Variants in SLC24A2 observed in about 807,000 individuals in gnomAD.
The protein encoded by SLC24A2 is solute carrier family 24 member 2, also known as sodium/potassium/calcium exchanger 2.
In SLC24A2, 36 loss-of-function variants were observed where a neutral mutation model predicts 62.0. The ratio of observed to expected loss-of-function variants is 0.58; its 90% CI spans 0.44 to 0.77. The LOEUF is 0.77. Among genes scored for constraint, SLC24A2 ranks in the 30% least tolerant of loss-of-function variants. The pLI, the probability that SLC24A2 is intolerant of heterozygous loss-of-function variation, is 0.00. For synonymous variants in SLC24A2, 358 were observed against 294.0 expected (o/e 1.22, Z -2.23); for missense variants, 846 against 817.9 (o/e 1.03, Z -0.42).
chr9:19,653,677 A>AAC, intron 2 of SLC24A2, among the ~76,000 whole-genome samples: 1 of 152,162 alleles, frequency 6.6e-6, no homozygotes, highest in East Asian at 1.9e-4. Context: ...TCCTGACTTT[A>AAC]ACGTTGTCAT....
intron 2 of SLC24A2, among the ~76,000 whole-genome samples, chr9:19,739,241 G>C (rs535268806): frequency 1.8e-4 from 28 of 152,278 alleles, no homozygotes; most frequent in African/African-American, 5.8e-4. Flanking sequence ...AAATGCTTAT[G>C]AACAGAGATT....
chr9:20,241,103 T>A, the SLC24A2 span, among the ~76,000 whole-genome samples: 5 of 152,242 alleles, frequency 3.3e-5, no homozygotes, highest in Admixed American at 2.6e-4. Context: ...ACAAGGTAGG[T>A]ACCTTTACCA....
At chr9:19,681,429 C>T (rs892496490) in intron 2 of SLC24A2, among the ~76,000 whole-genome samples, 25 of 152,222 alleles carry the variant, frequency 1.6e-4, no homozygotes, top group Admixed American at 2.6e-4. Context: ...CTACTAACAT[C>T]CTATCTCATT....
At chr9:19,894,907 G>A in the SLC24A2 span, among the ~76,000 whole-genome samples, 1 of 152,164 alleles carries the variant, frequency 6.6e-6, no homozygotes. Context: ...TGGAGAAGTT[G>A]CAACAAATTT....
chr9:20,079,872 G>T, the SLC24A2 span, among the ~76,000 whole-genome samples: 1 of 152,022 alleles, frequency 6.6e-6, no homozygotes, highest in Non-Finnish European at 1.5e-5. Context: ...CATGTCATCT[G>T]CAAACAGGGA....
chr9:19,633,721 A>G (rs1230979798), intron 2 of SLC24A2, among the ~76,000 whole-genome samples: 2 of 151,880 alleles, frequency 1.3e-5, no homozygotes, highest in Non-Finnish European at 2.9e-5. Context: ...TCGTGTGCTT[A>G]TTTGCCATTT....
chr9:20,261,038 T>C, the SLC24A2 span, among the ~76,000 whole-genome samples: 2 of 151,796 alleles, frequency 1.3e-5, no homozygotes, highest in African/African-American at 4.8e-5. Context: ...GTATTTTTAG[T>C]AGAGACGGGG....
chr9:20,101,855 G>A, the SLC24A2 span, among the ~76,000 whole-genome samples: 2 of 152,308 alleles, frequency 1.3e-5, no homozygotes, highest in African/African-American at 4.8e-5. Flanking sequence ...TGGAAACTGT[G>A]CCCTTACCAT....
At chr9:20,133,427 A>T in the SLC24A2 span, among the ~76,000 whole-genome samples, 3 of 152,322 alleles carry the variant, frequency 2.0e-5, no homozygotes, top group Admixed American at 1.3e-4. Context: ...TTTAAACTTT[A>T]AAAAATCAGT....
At chr9:19,563,834 C>T (rs1420265935) in intron 7 of SLC24A2, among the ~76,000 whole-genome samples, 22 of 75,064 alleles carry the variant, frequency 2.9e-4, no homozygotes, top group African/African-American at 7.9e-4. Flanking sequence ...TCCTCCCTCC[C>T]TCCCTCCCTC....
At chr9:19,555,721 G>T (rs771259079) in intron 7 of SLC24A2, among the ~76,000 whole-genome samples, 89 of 152,200 alleles carry the variant, frequency 5.8e-4, no homozygotes, top group Non-Finnish European at 1.2e-3. Flanking sequence ...AAGGCAGGTG[G>T]ATCACTTGAG....
At position 19,513,019 on chromosome 9, in the gene SLC24A2, G is replaced by T. The variant is rs1287972379; in HGVS notation, c.*3134C>A. 6.6e-6 allele frequency: 1 copy of T among 151,536 alleles called. No homozygotes were observed. The highest frequency in any genetic ancestry group is 1.5e-5 in the Non-Finnish European group (1 of 67,940). 9.4% of individuals were successfully genotyped at this position (151,536 alleles called of 1,614,324 possible). On this transcript the variant is annotated 3_prime_UTR_variant, in exon 11 of 11. Transcript: ENST00000341998. ...AAATCAGGAAGAAATGTTCCCTTTG[G>T]TTTGTGTGCATGACTTTCCTTTTCC...
the SLC24A2 span, among the ~76,000 whole-genome samples, chr9:20,051,275 T>C: frequency 3.3e-5 from 5 of 152,308 alleles, no homozygotes; most frequent in African/African-American, 7.2e-5. Context: ...TTCATAATTA[T>C]AATGCTTTAA....
At chr9:20,218,445 T>G in the SLC24A2 span, among the ~76,000 whole-genome samples, 3 of 152,074 alleles carry the variant, frequency 2.0e-5, no homozygotes, top group Non-Finnish European at 2.9e-5. Flanking sequence ...CACACACACG[T>G]GTGTCTGCTT....
At chr9:19,951,452 AT>A in the SLC24A2 span, among the ~76,000 whole-genome samples, 274 of 151,852 alleles carry the variant, frequency 1.8e-3, 1 homozygote, top group Non-Finnish European at 3.2e-3. Flanking sequence ...CACAAAGGAT[AT>A]TTTCCCCCTT....
chr9:20,306,652 T>C, the SLC24A2 span, among the ~76,000 whole-genome samples: 1 of 152,194 alleles, frequency 6.6e-6, no homozygotes, highest in Non-Finnish European at 1.5e-5. Flanking sequence ...CCATGAATAA[T>C]ATCACAGCTA....
chr9:19,704,331 C>G (rs1430378330), intron 2 of SLC24A2, among the ~76,000 whole-genome samples: 2 of 151,812 alleles, frequency 1.3e-5, no homozygotes, highest in East Asian at 3.9e-4. Context: ...CCATATGATA[C>G]TATATTGGTA....
At chr9:20,273,901 G>A in the SLC24A2 span, among the ~76,000 whole-genome samples, 1 of 152,184 alleles carries the variant, frequency 6.6e-6, no homozygotes, top group Non-Finnish European at 1.5e-5. Flanking sequence ...AGGTTCTCAT[G>A]TTAGATACAA....
At chr9:19,705,852 A>G (rs1820498579) in intron 2 of SLC24A2, among the ~76,000 whole-genome samples, 1 of 152,150 alleles carries the variant, frequency 6.6e-6, no homozygotes, top group African/African-American at 2.4e-5. Context: ...TTTACTTCCA[A>G]CTATGTGGTC....
Sources: allele counts gnomAD v4.1 joint callset (sites outside exome capture counted in the v4.1 genomes callset), GRCh38; gene constraint gnomAD v4.1.1; transcripts MANE v1.5; gene names NCBI Gene and HGNC (gene_info 2026-07-23, HGNC 2026-07-21).